The following SPECC1 variants were observed in gnomAD, a reference collection of about 807,000 sequenced individuals.
SPECC1 encodes the protein cytospin-B.
A neutral mutation model predicts 104.1 loss-of-function variants in SPECC1; 62 were observed. The ratio of observed to expected loss-of-function variants is 0.60; its 90% CI spans 0.49 to 0.74. The LOEUF (loss-of-function observed/expected upper bound fraction) is 0.74, where lower values mean the gene tolerates loss of function less well. Among genes scored for constraint, SPECC1 ranks in the 30% least tolerant of loss-of-function variants. The probability of loss-of-function intolerance (pLI) is 0.00; values close to 1 mark genes in which losing one functional copy is unlikely to be tolerated. For synonymous variants in SPECC1, 513 were observed against 501.6 expected (o/e 1.02, Z -0.30); for missense variants, 1,306 against 1,310.5 (o/e 1.00, Z 0.05).
intron 13 of SPECC1, among the ~76,000 whole-genome samples, chr17:20,304,624 T>G (rs2041703455): frequency 6.6e-6 from 1 of 152,112 alleles, no homozygotes; most frequent in African/African-American, 2.4e-5. Context: ...AAGGAGAAAT[T>G]TTCATACATC....
At chr17:20,137,603 C>G (rs906279236) in intron 3 of SPECC1, among the ~76,000 whole-genome samples, 3 of 152,152 alleles carry the variant, frequency 2.0e-5, no homozygotes, top group Non-Finnish European at 4.4e-5. Flanking sequence ...TAAGATTCTT[C>G]AAGTTTTGCT....
chr17:20,249,824 T>TA (rs1028484528), intron 9 of SPECC1, among the ~76,000 whole-genome samples: 3 of 151,718 alleles, frequency 2.0e-5, no homozygotes, highest in African/African-American at 4.8e-5. Context: ...TGGGATGGAA[T>TA]AAAAAAATCT....
intron 3 of SPECC1, among the ~76,000 whole-genome samples, chr17:20,194,525 T>TTTTTTTTTTTTTTTTTG (rs2035896918): frequency 7.0e-6 from 1 of 143,206 alleles, no homozygotes; most frequent in African/African-American, 2.7e-5. Flanking sequence ...TTTTTTTTTT[T>TTTTTTTTTTTTTTTTTG]GAGACAGAGT....
chr17:20,127,437 CT>C lies in SPECC1; in HGVS notation c.283+16898del, dbSNP rs369424296. 4.7e-3 allele frequency among the ~76,000 whole-genome samples: 493 copies of C among 104,482 alleles called. 1 individual carries two copies. The highest frequency in any genetic ancestry group is 0.011 in the African/African-American group (330 of 28,700). The allele number at this position is 104,482 out of a possible 152,430, so 68.5% of individuals were successfully genotyped here. ...GGAGAATGTGTGGTTATCAGGTCAT[CT>C]TTTTTTTTTTTTTTTTTTTTTTGAG... On this transcript the variant is annotated intron_variant, in intron 3 of 14. Coordinates refer to ENST00000395527, the MANE Select transcript of SPECC1 (RefSeq NM_001243439.2).
In SPECC1 at chr17:20,202,180, C is replaced by T. The variant is rs185152264; in HGVS notation, c.284-2153C>T. Among the ~76,000 whole-genome samples the T allele has an allele frequency of 3.1e-3, 477 of 152,204 alleles. 1 individual carries two copies. The highest frequency in any genetic ancestry group is 4.7e-3 in the Admixed American group (72 of 15,290). On this transcript the variant is annotated intron_variant, in intron 3 of 14. Coordinates refer to ENST00000395527, the MANE Select transcript of SPECC1 (RefSeq NM_001243439.2). The stretch of plus-strand genomic sequence containing the variant: ...ACAATTAACTGTAGTACATACAGTA[C>T]TCCTGTAACAATTCTATAGCCACTT...
chr17:20,161,006 T>C (rs2033091071), intron 3 of SPECC1, among the ~76,000 whole-genome samples: 1 of 152,178 alleles, frequency 6.6e-6, no homozygotes, highest in African/African-American at 2.4e-5. Context: ...AAAATTTCAT[T>C]TTGAGACCAG....
intron 12 of SPECC1, among the ~76,000 whole-genome samples, chr17:20,271,780 G>GT (rs1056852910): frequency 3.7e-4 from 50 of 134,220 alleles, no homozygotes; most frequent in African/African-American, 9.0e-4. Context: ...TTTTCCCTTT[G>GT]TTTTTTTTTC....
chr17:20,120,649 T>A (rs1168746904), intron 3 of SPECC1, among the ~76,000 whole-genome samples: 1 of 152,220 alleles, frequency 6.6e-6, no homozygotes. Context: ...ACTTTTGACT[T>A]GGGGACAAGT....
intron 1 of SPECC1, among the ~76,000 whole-genome samples, chr17:20,050,174 G>A (rs1303637559): frequency 6.6e-6 from 1 of 152,122 alleles, no homozygotes; most frequent in Non-Finnish European, 1.5e-5. Flanking sequence ...GTATACCTAT[G>A]TAATAAACCT....
At position 20,110,575 on chromosome 17, in the gene SPECC1, G is replaced by A. The variant is rs146650648; in HGVS notation, c.283+13G>A. On this transcript the variant is annotated intron_variant, in intron 3 of 14. Transcript: ENST00000395527. The stretch of plus-strand genomic sequence containing the variant: ...AGGAGCGGCACAGGTAGGAGGGACC[G>A]GGCAGGTGGGCTCGGCAGGCCATCA... 2.8e-3 allele frequency: 4,565 copies of A among 1,604,718 alleles called. 18 individuals carry two copies. The highest frequency in any genetic ancestry group is 5.7e-3 in the South Asian group (513 of 90,142).
At chr17:20,182,123 TTTTTTTG>T (rs2034944076) in intron 3 of SPECC1, among the ~76,000 whole-genome samples, 1 of 149,260 alleles carries the variant, frequency 6.7e-6, no homozygotes, top group South Asian at 2.1e-4. Context: ...CTTTTTCTTT[TTTTTTTG>T]GAGACAGGGC....
intron 12 of SPECC1, among the ~76,000 whole-genome samples, chr17:20,264,863 G>C (rs985294483): frequency 9.2e-5 from 14 of 152,192 alleles, no homozygotes; most frequent in Admixed American, 7.2e-4. Flanking sequence ...ACTTATAAGT[G>C]AGATGTGGTA....
chr17:20,180,211 G>A (rs1007896390), intron 3 of SPECC1, among the ~76,000 whole-genome samples: 10 of 152,148 alleles, frequency 6.6e-5, no homozygotes, highest in Non-Finnish European at 1.0e-4. Flanking sequence ...TAGCAAAAGC[G>A]AGGAGAGGAA....
intron 1 of SPECC1, among the ~76,000 whole-genome samples, chr17:20,090,808 G>A (rs1209834955): frequency 2.0e-5 from 3 of 152,160 alleles, no homozygotes; most frequent in Non-Finnish European, 4.4e-5. Context: ...TCTCAATATA[G>A]CTGCCAGATT....
chr17:20,191,487 CTTTT>C (rs57417459), intron 3 of SPECC1, among the ~76,000 whole-genome samples: 292 of 128,390 alleles, frequency 2.3e-3, no homozygotes, highest in African/African-American at 7.8e-3. Flanking sequence ...TGTGGAGCAG[CTTTT>C]TTTTTTTTTT....
chr17:20,119,999 T>TA (rs2048950464), intron 3 of SPECC1, among the ~76,000 whole-genome samples: 1 of 152,178 alleles, frequency 6.6e-6, no homozygotes, highest in Non-Finnish European at 1.5e-5. Context: ...ATAATGCAAA[T>TA]ATTCCAAAAT....
At chr17:20,180,307 A>G (rs2034785735) in intron 3 of SPECC1, among the ~76,000 whole-genome samples, 1 of 152,250 alleles carries the variant, frequency 6.6e-6, no homozygotes, top group Admixed American at 6.5e-5. Flanking sequence ...AATACTCATC[A>G]GCTAAACTCA....
intron 12 of SPECC1, 44 bp downstream of exon 12, chr17:20,260,338 A>G: frequency 6.4e-7 from 1 of 1,559,638 alleles, no homozygotes; most frequent in South Asian, 1.1e-5. Context: ...CCTGGGCAGT[A>G]GTAGTCCTGT....
At position 20,110,581 on chromosome 17, in the gene SPECC1, G is replaced by A; in HGVS notation, c.283+19G>A. On this transcript the variant is annotated intron_variant, in intron 3 of 14. Transcript: ENST00000395527. ...GGCACAGGTAGGAGGGACCGGGCAG[G>A]TGGGCTCGGCAGGCCATCAGTCCTG... 1 of 1,602,762 alleles carries A rather than the reference G, an allele frequency of 6.2e-7. No individual in the cohort carries two copies. The highest frequency in any genetic ancestry group is 8.5e-7 in the Non-Finnish European group (1 of 1,174,596).
Sources: allele counts gnomAD v4.1 joint callset (sites outside exome capture counted in the v4.1 genomes callset), GRCh38; gene constraint gnomAD v4.1.1; transcripts MANE v1.5; gene names NCBI Gene and HGNC (gene_info 2026-07-23, HGNC 2026-07-21).